The following CSMD3 variants were observed in gnomAD, a reference collection of about 807,000 sequenced individuals.
The protein encoded by CSMD3 is CUB and Sushi multiple domains 3, also known as CUB and sushi domain-containing protein 3.
Under a neutral mutation model 435.2 loss-of-function variants are expected in CSMD3, and 177 were observed. The observed-to-expected ratio is 0.41, with a 90% CI of 0.36 to 0.46. CSMD3 has a LOEUF of 0.46. CSMD3 is among the 20% of genes least tolerant of loss of function. The probability of loss-of-function intolerance (pLI) is 0.34; values close to 1 mark genes in which losing one functional copy is unlikely to be tolerated. For synonymous variants in CSMD3, 1,656 were observed against 1,520.5 expected, an observed-to-expected ratio of 1.09 and a Z score of -2.07; for missense variants, 4,265 against 4,504.6, an observed-to-expected ratio of 0.95 and a Z score of 1.52.
chr8:112,435,899 CA>C (rs1396286920), intron 32 of CSMD3, among the ~76,000 whole-genome samples: 16 of 151,878 alleles, frequency 1.1e-4, no homozygotes, highest in Non-Finnish European at 1.8e-4. Context: ...AAGATGTTTT[CA>C]TTTTTTTGTA....
chr8:112,596,275 T>A (rs984215046), intron 22 of CSMD3, among the ~76,000 whole-genome samples: 2 of 152,092 alleles, frequency 1.3e-5, no homozygotes, highest in African/African-American at 2.4e-5. Context: ...AAGAAGGCCA[T>A]TACATAATGG....
chr8:112,281,327 T>C lies in CSMD3; in HGVS notation c.9355A>G (p.Thr3119Ala), dbSNP rs1457408052. ...CGGAAGACTTTCCCATTGGCTGTGG[T>C]TCCTGGGTTACCACACTGCACAGCT... The part of the protein sequence containing the change: ...CKAVQCGNPG[T>A]TANGKVFRID... The change falls in exon 59 of 71, where the codon ACC (threonine) becomes GCC (alanine). Residue 3119 changes from threonine to alanine, a missense_variant. Physicochemically the swap from Thr to Ala is moderately conservative, Grantham distance 58. Transcript: ENST00000297405. The C allele has an allele frequency of 1.2e-6, 2 of 1,613,248 alleles. No homozygotes were observed. The highest frequency in any genetic ancestry group is 1.6e-4 in the Middle Eastern group (1 of 6,080).
At chr8:113,182,563 A>G (rs901692396) in intron 3 of CSMD3, among the ~76,000 whole-genome samples, 5 of 151,962 alleles carry the variant, frequency 3.3e-5, no homozygotes, top group African/African-American at 4.8e-5. Context: ...CAACAAAAAC[A>G]AAAACAAAAA....
intron 28 of CSMD3, among the ~76,000 whole-genome samples, chr8:112,507,208 T>G (rs1369352984): frequency 6.6e-6 from 1 of 152,088 alleles, no homozygotes; most frequent in Non-Finnish European, 1.5e-5. Flanking sequence ...CCTCTAATAA[T>G]AAATAGAAAA....
intron 30 of CSMD3, among the ~76,000 whole-genome samples, chr8:112,494,322 C>A (rs1319840897): frequency 7.1e-4 from 1 of 1,406 alleles, no homozygotes; most frequent in East Asian, 0.022. Flanking sequence ...TCTCTCCTTT[C>A]TTTCTTCCTT....
At chr8:112,241,323 C>G (rs1814120180) in intron 66 of CSMD3, among the ~76,000 whole-genome samples, 1 of 151,930 alleles carries the variant, frequency 6.6e-6, no homozygotes, top group Admixed American at 6.6e-5. Flanking sequence ...TGAAAATAAA[C>G]TAGTCAATTT....
intron 23 of CSMD3, among the ~76,000 whole-genome samples, chr8:112,585,587 C>G (rs1421553334): frequency 1.3e-5 from 2 of 151,240 alleles, no homozygotes; most frequent in African/African-American, 4.8e-5. Context: ...CATTTGTTAT[C>G]CCAAATAAAT....
chr8:112,237,402 A>G (rs940788582), intron 66 of CSMD3, 54 bp from the exon 67 acceptor site: 29 of 1,282,052 alleles, frequency 2.3e-5, no homozygotes, highest in Non-Finnish European at 2.3e-6. Flanking sequence ...ATATAAATAT[A>G]AGCATTAAAT....
At chr8:113,396,536 G>A (rs1243289801) in intron 1 of CSMD3, among the ~76,000 whole-genome samples, 1 of 152,106 alleles carries the variant, frequency 6.6e-6, no homozygotes, top group Admixed American at 6.6e-5. Context: ...TTTGTCATCT[G>A]AAGTATATAA....
intron 6 of CSMD3, among the ~76,000 whole-genome samples, chr8:113,013,041 T>C (rs922394379): frequency 6.6e-6 from 1 of 151,992 alleles, no homozygotes; most frequent in Admixed American, 6.6e-5. Context: ...ATTGAACATA[T>C]TAGTGAAAGC....
chr8:112,517,324 T>A (rs67362344), intron 27 of CSMD3, 99 bp from the exon 28 acceptor site: 191,506 of 803,152 alleles, frequency 0.24, 24,757 homozygotes, highest in African/African-American at 0.37. Flanking sequence ...AATTTTGGGG[T>A]CAATTTTTAA....
chr8:112,567,317 T>G (rs1056523809), intron 24 of CSMD3, among the ~76,000 whole-genome samples: 3 of 152,170 alleles, frequency 2.0e-5, no homozygotes. Context: ...GCTAAAGTGG[T>G]CTCATCTGTA....
chr8:113,292,833 A>G (rs2093695485), intron 2 of CSMD3, among the ~76,000 whole-genome samples: 1 of 151,860 alleles, frequency 6.6e-6, no homozygotes, highest in South Asian at 2.1e-4. Context: ...CAACCTAATA[A>G]AAAATGAACT....
At chr8:112,436,911 T>C (rs531823365) in intron 32 of CSMD3, among the ~76,000 whole-genome samples, 71 of 152,216 alleles carry the variant, frequency 4.7e-4, no homozygotes, top group African/African-American at 1.3e-3. Flanking sequence ...TTTGAATGAA[T>C]GTGAATGCCA....
At chr8:112,321,072 C>CT (rs552162146) in intron 45 of CSMD3, among the ~76,000 whole-genome samples, 104 of 151,146 alleles carry the variant, frequency 6.9e-4, no homozygotes, top group South Asian at 5.9e-3. Context: ...TGATTGAAGT[C>CT]TTTTTTTTTC....
intron 35 of CSMD3, among the ~76,000 whole-genome samples, chr8:112,402,316 C>T (rs987984469): frequency 6.6e-6 from 1 of 152,200 alleles, no homozygotes; most frequent in Non-Finnish European, 1.5e-5. Context: ...GATGATTTCA[C>T]TCAATTTTAC....
chr8:112,970,067 G>A (rs2084586995), intron 7 of CSMD3, among the ~76,000 whole-genome samples: 2 of 151,858 alleles, frequency 1.3e-5, no homozygotes, highest in African/African-American at 4.8e-5. Flanking sequence ...GTTTCTGCCA[G>A]TCCATAATTT....
intron 23 of CSMD3, among the ~76,000 whole-genome samples, chr8:112,583,224 C>A (rs1244851126): frequency 1.3e-5 from 2 of 152,002 alleles, no homozygotes; most frequent in Non-Finnish European, 2.9e-5. Flanking sequence ...ATGAACTCTA[C>A]TTCGTCCTTG....
At chr8:112,409,854 C>G (rs937505607) in intron 32 of CSMD3, among the ~76,000 whole-genome samples, 3 of 150,832 alleles carry the variant, frequency 2.0e-5, no homozygotes, top group Non-Finnish European at 3.0e-5. Context: ...GTTTTTTTTT[C>G]TTAAATAAAA....
Sources: allele counts gnomAD v4.1 joint callset (sites outside exome capture counted in the v4.1 genomes callset), GRCh38; gene constraint gnomAD v4.1.1; transcripts MANE v1.5; gene names NCBI Gene and HGNC (gene_info 2026-07-23, HGNC 2026-07-21).